ROBO1: variants seen among roughly 807,000 people sequenced by gnomAD.
ROBO1 encodes roundabout guidance receptor 1.
ROBO1 carries 149 observed loss-of-function variants against 195.9 expected under a neutral mutation model. That is an observed-to-expected ratio of 0.76 (90% confidence interval 0.67 to 0.87). The LOEUF (loss-of-function observed/expected upper bound fraction) is 0.87. Ranked by LOEUF, ROBO1 falls within the 40% of genes least tolerant of loss-of-function variation. The pLI, the probability that ROBO1 is intolerant of heterozygous loss-of-function variation, is 0.00. For synonymous variants in ROBO1, 816 were observed against 733.2 expected, an observed-to-expected ratio of 1.11 and a Z score of -1.82; for missense variants, 1,933 against 2,068.3, an observed-to-expected ratio of 0.93 and a Z score of 1.27.
chr3:79,389,280 G>T (rs1559864530), intron 2 of ROBO1, among the ~76,000 whole-genome samples: 1 of 151,978 alleles, frequency 6.6e-6, no homozygotes, highest in Admixed American at 6.6e-5. Flanking sequence ...TATGAGCAAA[G>T]AATTCTGACT....
chr3:78,727,071 T>C (rs1354339090), intron 5 of ROBO1, among the ~76,000 whole-genome samples: 4 of 152,190 alleles, frequency 2.6e-5, no homozygotes, highest in African/African-American at 9.7e-5. Flanking sequence ...CATGCCATCC[T>C]ATTTTTCAAA....
intron 2 of ROBO1, among the ~76,000 whole-genome samples, chr3:79,551,789 G>A (rs1238712432): frequency 6.6e-6 from 1 of 151,598 alleles, no homozygotes; most frequent in East Asian, 1.9e-4. Context: ...GGGAGAAAAA[G>A]GACCTTTCAA....
intron 3 of ROBO1, among the ~76,000 whole-genome samples, chr3:79,028,204 G>GA (rs758405476): frequency 2.0e-5 from 3 of 151,918 alleles, no homozygotes; most frequent in African/African-American, 7.2e-5. Flanking sequence ...GCAAAAGAAA[G>GA]AAAAAATATT....
intron 17 of ROBO1, among the ~76,000 whole-genome samples, chr3:78,659,313 A>C (rs114228231): frequency 0.011 from 1,689 of 152,324 alleles, 13 homozygotes; most frequent in Non-Finnish European, 0.017. Flanking sequence ...GAGGTTTCTC[A>C]ATTTGTTTTT....
chr3:79,736,505 G>T (rs1168067968), intron 1 of ROBO1, among the ~76,000 whole-genome samples: 2 of 152,194 alleles, frequency 1.3e-5, no homozygotes. Context: ...GGCCAATTAT[G>T]AGGTTATTAT....
intron 14 of ROBO1, among the ~76,000 whole-genome samples, chr3:78,664,344 A>G (rs2107683443): frequency 6.6e-6 from 1 of 152,290 alleles, no homozygotes; most frequent in Admixed American, 6.5e-5. Flanking sequence ...AATAACTGAC[A>G]TCATCTTAGG....
intron 2 of ROBO1, among the ~76,000 whole-genome samples, chr3:79,588,507 ATCTGTG>A (rs1305683784): frequency 2.0e-5 from 3 of 151,722 alleles, no homozygotes; most frequent in Non-Finnish European, 4.4e-5. Flanking sequence ...CTGTATCTGT[ATCTGTG>A]TCTATCTATA....
At position 79,747,752 on chromosome 3, in the gene ROBO1, CT is replaced by C. The variant is rs1433898724; in HGVS notation, c.-51+19999del. 2.0e-5 allele frequency among the ~76,000 whole-genome samples: 3 copies of C among 151,836 alleles called. No individual in the cohort carries two copies. In the East Asian group the frequency reaches 5.8e-4, roughly 29 times the overall value. On this transcript the variant is annotated intron_variant, in intron 1 of 30. Transcript: ENST00000464233. ...ATGTGACTAATATTTAAGAAATATA[CT>C]GGACAAATATGTAGTGTGTTTCAGG...
At chr3:79,742,053 A>G (rs1030489414) in intron 1 of ROBO1, among the ~76,000 whole-genome samples, 2 of 152,224 alleles carry the variant, frequency 1.3e-5, no homozygotes, top group African/African-American at 4.8e-5. Flanking sequence ...ATGATCTGAA[A>G]CTGGAACTTA....
chr3:79,113,718 G>T (rs1167848512), intron 3 of ROBO1, among the ~76,000 whole-genome samples: 1 of 152,076 alleles, frequency 6.6e-6, no homozygotes, highest in Admixed American at 6.6e-5. Context: ...AGTGAGCCGA[G>T]ATCCTGCCAT....
chr3:79,647,945 T>C (rs1945882499), intron 1 of ROBO1, among the ~76,000 whole-genome samples: 1 of 152,138 alleles, frequency 6.6e-6, no homozygotes, highest in South Asian at 2.1e-4. Flanking sequence ...ATGTCTCACA[T>C]TAGAATTTTG....
At chr3:79,175,759 T>G (rs2081253154) in intron 2 of ROBO1, among the ~76,000 whole-genome samples, 1 of 152,214 alleles carries the variant, frequency 6.6e-6, no homozygotes, top group South Asian at 2.1e-4. Context: ...TGAATAATTT[T>G]CAGCCACAAT....
At chr3:78,758,038 GC>G (rs765297676) in intron 4 of ROBO1, among the ~76,000 whole-genome samples, 2 of 152,196 alleles carry the variant, frequency 1.3e-5, no homozygotes, top group Non-Finnish European at 2.9e-5. Context: ...AAACTACAGA[GC>G]CCTTGGGAGA....
intron 2 of ROBO1, among the ~76,000 whole-genome samples, chr3:79,587,482 AT>A (rs1203080075): frequency 2.0e-5 from 3 of 151,592 alleles, no homozygotes; most frequent in Admixed American, 6.6e-5. Flanking sequence ...AATTCTCCTT[AT>A]TTTTTTAGAA....
At chr3:79,366,894 CAGG>C (rs776501769) in intron 2 of ROBO1, among the ~76,000 whole-genome samples, 5 of 151,638 alleles carry the variant, frequency 3.3e-5, no homozygotes, top group Admixed American at 3.3e-4. Context: ...GTCTTAGAAA[CAGG>C]GGGAAGCTCT....
At position 79,668,881 on chromosome 3, in the gene ROBO1, T is replaced by C. The variant is rs146174935; in HGVS notation, c.-50-78920A>G. On this transcript the variant is annotated intron_variant, in intron 1 of 30. Coordinates refer to ENST00000464233, the MANE Select transcript of ROBO1 (RefSeq NM_002941.4). ...CCAAAGACCAATGGCAAAGAGAGTA[T>C]AGACGGAGATCATGAACAGAACTTT... 1.5e-4 allele frequency among the ~76,000 whole-genome samples: 23 copies of C among 151,964 alleles called. No individual in the cohort carries two copies. The East Asian group carries it at 4.1e-3, about 27-fold the overall frequency.
intron 3 of ROBO1, among the ~76,000 whole-genome samples, chr3:79,022,627 G>A (rs1261151689): frequency 1.3e-5 from 2 of 152,228 alleles, no homozygotes; most frequent in Non-Finnish European, 2.9e-5. Flanking sequence ...ACATGTACAA[G>A]AGAATCTTGA....
intron 1 of ROBO1, among the ~76,000 whole-genome samples, chr3:79,741,073 T>C (rs562595063): frequency 4.9e-4 from 74 of 152,294 alleles, no homozygotes; most frequent in Non-Finnish European, 2.9e-5. Flanking sequence ...CAAGGAAATA[T>C]TGGAAAACTT....
intron 2 of ROBO1, among the ~76,000 whole-genome samples, chr3:79,517,047 TTACCA>T (rs1386859833): frequency 6.6e-6 from 1 of 152,182 alleles, no homozygotes; most frequent in African/African-American, 2.4e-5. Context: ...CCCTCTCTTT[TTACCA>T]TACCATAAGA....
Sources: allele counts gnomAD v4.1 joint callset (sites outside exome capture counted in the v4.1 genomes callset), GRCh38; gene constraint gnomAD v4.1.1; transcripts MANE v1.5; gene names NCBI Gene and HGNC (gene_info 2026-07-23, HGNC 2026-07-21).